SMYD3: variants seen among roughly 807,000 people sequenced by gnomAD.
SMYD3 encodes the protein SET and MYND domain containing 3.
In SMYD3, 36 loss-of-function variants were observed where a neutral mutation model predicts 57.7. The ratio of observed to expected loss-of-function variants is 0.62; its 90% confidence interval spans 0.48 to 0.82. The LOEUF is 0.82. SMYD3 is among the 40% of genes least tolerant of loss of function. The pLI, the probability that SMYD3 is intolerant of heterozygous loss-of-function variation, is 0.00. For synonymous variants in SMYD3, 211 were observed against 195.0 expected, an observed-to-expected ratio of 1.08 and a Z score of -0.68; for missense variants, 515 against 538.8, an observed-to-expected ratio of 0.96 and a Z score of 0.44.
chr1:246,354,306 T>C (rs2065876587), intron 2 of SMYD3, among the ~76,000 whole-genome samples: 1 of 152,186 alleles, frequency 6.6e-6, no homozygotes, highest in South Asian at 2.1e-4. Flanking sequence ...TTCAAGAATT[T>C]CAAAGATGTT....
intron 1 of SMYD3, among the ~76,000 whole-genome samples, chr1:246,474,002 A>G (rs1445100096): frequency 6.6e-6 from 1 of 152,224 alleles, no homozygotes; most frequent in Non-Finnish European, 1.5e-5. Flanking sequence ...GGCCATTTAA[A>G]TTCACCATAC....
chr1:246,213,720 T>C (rs80217669), intron 5 of SMYD3, among the ~76,000 whole-genome samples: 4 of 152,112 alleles, frequency 2.6e-5, no homozygotes, highest in African/African-American at 9.7e-5. Context: ...TTCAGCATGA[T>C]GATCTTCTCA....
At chr1:246,257,846 G>T (rs1283754058) in intron 5 of SMYD3, among the ~76,000 whole-genome samples, 2 of 152,124 alleles carry the variant, frequency 1.3e-5, no homozygotes, top group Admixed American at 1.3e-4. Context: ...GTGGGACTGG[G>T]TGGGAGGGAG....
At chr1:246,186,942 A>C in intron 5 of SMYD3, 1 of 985,148 alleles carries the variant, frequency 1.0e-6, no homozygotes, top group South Asian at 4.7e-5. Flanking sequence ...TTTCGCTGTG[A>C]CTGAAGAGAT....
At chr1:245,766,222 G>A (rs1258850360) in intron 10 of SMYD3, among the ~76,000 whole-genome samples, 1 of 151,752 alleles carries the variant, frequency 6.6e-6, no homozygotes, top group African/African-American at 2.4e-5. Flanking sequence ...GGTGAATATG[G>A]TGAAACCCCG....
At chr1:246,397,127 G>T (rs748048540) in intron 1 of SMYD3, among the ~76,000 whole-genome samples, 2 of 152,186 alleles carry the variant, frequency 1.3e-5, no homozygotes, top group African/African-American at 4.8e-5. Flanking sequence ...CTGGCTGCAC[G>T]ACAGGAGGTG....
intron 1 of SMYD3, among the ~76,000 whole-genome samples, chr1:246,489,506 C>G (rs997368864): frequency 2.6e-5 from 4 of 152,066 alleles, no homozygotes; most frequent in Non-Finnish European, 4.4e-5. Context: ...GTTTAAGAGG[C>G]AGAAGGTTAA....
intron 2 of SMYD3, among the ~76,000 whole-genome samples, chr1:246,344,014 A>G (rs763194950): frequency 5.3e-5 from 8 of 152,200 alleles, no homozygotes; most frequent in Non-Finnish European, 8.8e-5. Context: ...ACAGTTACGT[A>G]TAATAAAATG....
At chr1:246,237,652 AACCTCT>A (rs1184855998) in intron 5 of SMYD3, among the ~76,000 whole-genome samples, 1 of 152,212 alleles carries the variant, frequency 6.6e-6, no homozygotes, top group African/African-American at 2.4e-5. Context: ...AGTCCCTGTA[AACCTCT>A]AGTATGCACA....
At chr1:246,363,725 A>G (rs1035203425) in intron 1 of SMYD3, among the ~76,000 whole-genome samples, 6 of 152,056 alleles carry the variant, frequency 3.9e-5, no homozygotes, top group Non-Finnish European at 8.8e-5. Context: ...TGAAGGCAGC[A>G]TGCTCGTTAA....
At chr1:246,475,314 C>T (rs2068014856) in intron 1 of SMYD3, among the ~76,000 whole-genome samples, 1 of 141,916 alleles carries the variant, frequency 7.0e-6, no homozygotes, top group African/African-American at 2.7e-5. Context: ...GGCAACACAG[C>T]GAGAGACTGT....
intron 8 of SMYD3, among the ~76,000 whole-genome samples, chr1:245,909,302 A>G (rs1307131332): frequency 6.6e-6 from 1 of 152,192 alleles, no homozygotes; most frequent in East Asian, 1.9e-4. Flanking sequence ...AATGAGATAG[A>G]AACAGTAATA....
At position 246,172,549 on chromosome 1, in the gene SMYD3, C is replaced by T. The variant is rs548621773; in HGVS notation, c.531+154652G>A. Among the ~76,000 whole-genome samples the T allele has an allele frequency of 2.0e-3, 305 of 149,314 alleles. 1 individual carries two copies. Among genetic ancestry groups the T allele is most frequent in the Non-Finnish European group, 3.5e-3 (234 of 67,056 alleles). ...TACTGTAGACTTTATCAACACTGCA[C>T]ACTTAGGCTACACAGGCCTAGAACA... On this transcript the variant is annotated intron_variant, in intron 5 of 11. Transcript: ENST00000490107.
chr1:246,065,720 G>A (rs2060329454), intron 5 of SMYD3, among the ~76,000 whole-genome samples: 1 of 152,152 alleles, frequency 6.6e-6, no homozygotes. Flanking sequence ...TCAAATGTGA[G>A]AATGTTCTCA....
chr1:246,214,408 C>T (rs1476476413), intron 5 of SMYD3, among the ~76,000 whole-genome samples: 1 of 152,064 alleles, frequency 6.6e-6, no homozygotes, highest in African/African-American at 2.4e-5. Flanking sequence ...ATGAACAGAA[C>T]TGTCAATTAA....
At chr1:246,123,211 G>A (rs1045300935) in intron 5 of SMYD3, among the ~76,000 whole-genome samples, 1 of 152,130 alleles carries the variant, frequency 6.6e-6, no homozygotes, top group Admixed American at 6.5e-5. Context: ...AAATTAAAGA[G>A]AACTTCAAGG....
chr1:246,224,416 G>A (rs993435296), intron 5 of SMYD3, among the ~76,000 whole-genome samples: 2 of 151,982 alleles, frequency 1.3e-5, no homozygotes, highest in African/African-American at 4.8e-5. Context: ...GCTGAGGTGT[G>A]GTCAAGGGGA....
At chr1:246,386,690 T>C (rs2066487147) in intron 1 of SMYD3, among the ~76,000 whole-genome samples, 1 of 151,178 alleles carries the variant, frequency 6.6e-6, no homozygotes, top group African/African-American at 2.4e-5. Context: ...GGAGACCATA[T>C]AAGAACTGAG....
chr1:246,102,513 G>A (rs1319553763), intron 5 of SMYD3, among the ~76,000 whole-genome samples: 1 of 152,038 alleles, frequency 6.6e-6, no homozygotes, highest in Non-Finnish European at 1.5e-5. Context: ...ATAGAACCCA[G>A]CCTCTGAGAA....
Sources: allele counts gnomAD v4.1 joint callset (sites outside exome capture counted in the v4.1 genomes callset), GRCh38; gene constraint gnomAD v4.1.1; transcripts MANE v1.5; gene names NCBI Gene and HGNC (gene_info 2026-07-23, HGNC 2026-07-21).